Variants in ROR1 observed in about 807,000 individuals in gnomAD.
ROR1 encodes the protein inactive tyrosine-protein kinase transmembrane receptor ROR1.
Under a neutral mutation model 78.8 loss-of-function variants are expected in ROR1, and 19 were observed. The observed-to-expected ratio is 0.24, with a 90% CI of 0.17 to 0.35. ROR1 has a LOEUF of 0.35. Among genes scored for constraint, ROR1 ranks in the 10% least tolerant of loss-of-function variants. The pLI is 1.00. For synonymous variants in ROR1, 386 were observed against 433.6 expected (o/e 0.89, Z 1.36); for missense variants, 917 against 1,177.8 (o/e 0.78, Z 3.24).
intron 1 of ROR1, among the ~76,000 whole-genome samples, chr1:63,969,669 A>G (rs1020360764): frequency 4.6e-5 from 7 of 150,944 alleles, no homozygotes; most frequent in Non-Finnish European, 8.9e-5. Context: ...TGTGTTTTCC[A>G]CCCCTCCATG....
At chr1:63,909,034 A>G (rs1284707281) in intron 1 of ROR1, among the ~76,000 whole-genome samples, 2 of 152,198 alleles carry the variant, frequency 1.3e-5, no homozygotes, top group African/African-American at 4.8e-5. Context: ...TGGTTTCCAT[A>G]TAGCCTTTGT....
chr1:63,791,559 C>T (rs965931729), intron 1 of ROR1, among the ~76,000 whole-genome samples: 6 of 152,132 alleles, frequency 3.9e-5, no homozygotes, highest in African/African-American at 1.4e-4. Flanking sequence ...CCCCTTGAAC[C>T]TCAGCTGCTC....
At chr1:64,026,439 A>G (rs1646610096) in intron 2 of ROR1, among the ~76,000 whole-genome samples, 1 of 152,188 alleles carries the variant, frequency 6.6e-6, no homozygotes, top group Admixed American at 6.5e-5. Flanking sequence ...TTTAGACTTG[A>G]TTATGACTCA....
At chr1:64,172,966 G>T (rs140308652) in intron 8 of ROR1, among the ~76,000 whole-genome samples, 1 of 152,112 alleles carries the variant, frequency 6.6e-6, no homozygotes, top group African/African-American at 2.4e-5. Context: ...TGCCATCACC[G>T]TACAGTCTAC....
At chr1:64,000,618 C>T (rs997809047) in intron 1 of ROR1, among the ~76,000 whole-genome samples, 2 of 152,102 alleles carry the variant, frequency 1.3e-5, no homozygotes, top group Admixed American at 6.6e-5. Context: ...AAACAAATAA[C>T]GACAAAAAGA....
At chr1:63,853,187 T>C (rs1393933583) in intron 1 of ROR1, among the ~76,000 whole-genome samples, 1 of 152,204 alleles carries the variant, frequency 6.6e-6, no homozygotes, top group Non-Finnish European at 1.5e-5. Context: ...TCACCAACTG[T>C]GGCAACAGCT....
rs1557686024 is a variant in ROR1, at chr1:64,178,146, T to C, written c.2105T>C (p.Ile702Thr). ...PYYGFSNQEV[I>T]EMVRKRQLLP... ...TATGGATTCAGTAACCAGGAAGTGA[T>C]TGAGATGGTGAGAAAACGGCAGCTC... The change falls in exon 9 of 9, where the codon ATT becomes ACT. Residue 702 changes from isoleucine (I) to threonine (T), a missense_variant. Physicochemically the swap from Ile to Thr is moderately conservative, Grantham distance 89. This residue lies in a region of ROR1 where 835 missense variants were observed against 1,069.8 expected (regional missense o/e 0.78). Transcript: ENST00000371079. This position sits in a 1 kb window ranked among gnomAD's most constrained non-coding sequence, Gnocchi z 4.3. 1.2e-6 allele frequency: 2 copies of C among 1,614,168 alleles called. No homozygotes were observed. The highest frequency in any genetic ancestry group is 2.2e-5 in the East Asian group (1 of 44,880).
intron 1 of ROR1, among the ~76,000 whole-genome samples, chr1:63,939,663 C>T: frequency 6.6e-6 from 1 of 152,136 alleles, no homozygotes; most frequent in East Asian, 1.9e-4. Flanking sequence ...GAATAGGGAA[C>T]ATTATACCTC....
At chr1:64,020,864 C>T (rs963091597) in intron 2 of ROR1, among the ~76,000 whole-genome samples, 2 of 152,106 alleles carry the variant, frequency 1.3e-5, no homozygotes, top group Non-Finnish European at 2.9e-5. Flanking sequence ...AGACAAACTT[C>T]GAAAATGTTG....
chr1:63,806,185 C>CTG (rs1465137975), intron 1 of ROR1, among the ~76,000 whole-genome samples: 1 of 152,168 alleles, frequency 6.6e-6, no homozygotes, highest in African/African-American at 2.4e-5. Context: ...GACCCCTCTC[C>CTG]TGTGCCCTGT....
intron 4 of ROR1, among the ~76,000 whole-genome samples, chr1:64,079,402 T>C (rs1647080271): frequency 6.6e-6 from 1 of 152,112 alleles, no homozygotes; most frequent in Non-Finnish European, 1.5e-5. Flanking sequence ...AGCATTGAAA[T>C]AGATAGCAGC....
At position 63,815,478 on chromosome 1, in the gene ROR1, C is replaced by CTTTTTTTTTTTTTTTT. The variant is rs1446331528; in HGVS notation, c.91+40975_91+40976insTTTTTTTTTTTTTTTT. Among the ~76,000 whole-genome samples, 175 of 103,396 alleles carry CTTTTTTTTTTTTTTTT rather than the reference C, an allele frequency of 1.7e-3. 6 individuals are homozygous for CTTTTTTTTTTTTTTTT. Among genetic ancestry groups the CTTTTTTTTTTTTTTTT allele is most frequent in the African/African-American group, 5.3e-3 (101 of 19,004 alleles). The allele number at this position is 103,396 out of a possible 152,430, so 67.8% of individuals were successfully genotyped here. ...TTTTCTTTTTCTTTTCTTTTCTTTT[C>CTTTTTTTTTTTTTTTT]TTTTTCTTTTTTTTTTTTTTTTGAG... On this transcript the variant is annotated intron_variant, in intron 1 of 8. Coordinates refer to ENST00000371079, the MANE Select transcript of ROR1 (RefSeq NM_005012.4).
intron 1 of ROR1, among the ~76,000 whole-genome samples, chr1:63,781,353 T>C (rs548580390): frequency 6.6e-6 from 1 of 152,298 alleles, no homozygotes; most frequent in East Asian, 1.9e-4. Context: ...CTGATCCTAT[T>C]TTACAGATAA....
At chr1:64,139,016 T>C (rs1193667090) in intron 5 of ROR1, among the ~76,000 whole-genome samples, 3 of 151,560 alleles carry the variant, frequency 2.0e-5, no homozygotes, top group African/African-American at 7.3e-5. Context: ...ACAATACAAA[T>C]ATCAGCTGGG....
intron 4 of ROR1, among the ~76,000 whole-genome samples, chr1:64,052,540 C>T (rs1426272255): frequency 1.3e-5 from 2 of 152,106 alleles, no homozygotes; most frequent in African/African-American, 2.4e-5. Context: ...CTAGGTCTCT[C>T]GTGGTTTTTA....
intron 5 of ROR1, among the ~76,000 whole-genome samples, chr1:64,139,387 T>G (rs1649229489): frequency 6.6e-6 from 1 of 152,126 alleles, no homozygotes; most frequent in Non-Finnish European, 1.5e-5. Context: ...AGCAACATAC[T>G]TGGGGAAATA....
intron 1 of ROR1, among the ~76,000 whole-genome samples, chr1:63,999,856 A>G (rs1368222950): frequency 2.6e-5 from 4 of 152,132 alleles, no homozygotes; most frequent in African/African-American, 4.8e-5. Flanking sequence ...CTTCATTCCC[A>G]TTGTGTATAG....
intron 1 of ROR1, among the ~76,000 whole-genome samples, chr1:63,936,179 A>G (rs1645793096): frequency 6.6e-6 from 1 of 152,202 alleles, no homozygotes; most frequent in South Asian, 2.1e-4. Context: ...GAACTCTACT[A>G]TTGGTGCTTT....
chr1:63,867,784 G>A (rs1443952815), intron 1 of ROR1, among the ~76,000 whole-genome samples: 2 of 152,220 alleles, frequency 1.3e-5, no homozygotes, highest in Non-Finnish European at 2.9e-5. Context: ...ATAAATCTAG[G>A]ATAAGATCCA....
Sources: gnomAD v4.1 joint callset for allele counts (sites outside exome capture counted in the v4.1 genomes callset) on GRCh38, gnomAD v4.1.1 for gene constraint, gnomAD v4.1.1 regional missense constraint, Gnocchi (gnomAD v3.1) non-coding constraint, MANE v1.5 for transcripts, NCBI Gene and HGNC (gene_info 2026-07-23, HGNC 2026-07-21) for gene names.